The following KCNMA1 variants were observed in gnomAD, a reference collection of about 807,000 sequenced individuals.
KCNMA1 encodes Calcium-activated potassium channel subunit alpha-1.
KCNMA1 carries 29 observed loss-of-function variants against 140.0 expected under a neutral mutation model. The ratio of observed to expected loss-of-function variants is 0.21; its 90% CI spans 0.15 to 0.28. The LOEUF is 0.28. Ranked by LOEUF, KCNMA1 falls within the 10% of genes least tolerant of loss-of-function variation. KCNMA1 has a pLI of 1.00. For synonymous variants in KCNMA1, 612 were observed against 611.9 expected (o/e 1.00, Z 0.00); for missense variants, 880 against 1,602.2 (o/e 0.55, Z 7.70).
intron 22 of KCNMA1, among the ~76,000 whole-genome samples, chr10:76,946,076 A>T (rs2063857137): frequency 6.6e-6 from 1 of 152,234 alleles, no homozygotes; most frequent in South Asian, 2.1e-4. Flanking sequence ...AAAAAATAAC[A>T]ACAAAAGACA....
intron 1 of KCNMA1, among the ~76,000 whole-genome samples, chr10:77,468,593 G>A (rs1337338008): frequency 3.3e-5 from 5 of 152,184 alleles, no homozygotes; most frequent in East Asian, 1.9e-4. Flanking sequence ...ACAAGGCAAT[G>A]AGAGAGTCCT....
chr10:77,067,350 G>T (rs1004848972), intron 14 of KCNMA1, among the ~76,000 whole-genome samples: 7 of 152,148 alleles, frequency 4.6e-5, no homozygotes, highest in Non-Finnish European at 7.3e-5. Context: ...CATTGACTTT[G>T]CTGGTTCTCA....
intron 1 of KCNMA1, among the ~76,000 whole-genome samples, chr10:77,582,286 T>A (rs2076099860): frequency 6.6e-6 from 1 of 152,276 alleles, no homozygotes; most frequent in Non-Finnish European, 1.5e-5. Context: ...TTCATATCTT[T>A]GTTTCTTCCT....
At chr10:77,597,656 C>A (rs573884880) in intron 1 of KCNMA1, among the ~76,000 whole-genome samples, 4 of 152,336 alleles carry the variant, frequency 2.6e-5, no homozygotes, top group African/African-American at 7.2e-5. Flanking sequence ...CCTTCCCCTC[C>A]TTCTGTGACT....
At chr10:77,100,880 G>T (rs1335196284) in intron 9 of KCNMA1, among the ~76,000 whole-genome samples, 1 of 152,122 alleles carries the variant, frequency 6.6e-6, no homozygotes, top group Non-Finnish European at 1.5e-5. Flanking sequence ...AAGAATATTT[G>T]AGAGTGAAAA....
intron 2 of KCNMA1, among the ~76,000 whole-genome samples, chr10:77,346,038 C>G (rs1603279225): frequency 6.6e-6 from 1 of 152,298 alleles, no homozygotes; most frequent in South Asian, 2.1e-4. Flanking sequence ...TTCCCAGGAC[C>G]CTGCATCATG....
intron 1 of KCNMA1, among the ~76,000 whole-genome samples, chr10:77,451,557 G>A (rs1189619489): frequency 1.3e-5 from 2 of 152,204 alleles, no homozygotes; most frequent in Admixed American, 1.3e-4. Context: ...TTCAGAGGAC[G>A]AAAGCTCGCT....
intron 1 of KCNMA1, among the ~76,000 whole-genome samples, chr10:77,490,104 A>G (rs1173924206): frequency 1.3e-5 from 2 of 152,196 alleles, no homozygotes; most frequent in African/African-American, 4.8e-5. Flanking sequence ...CCAATTTGCC[A>G]ATGTCTCATG....
chr10:77,471,675 C>A (rs1040807062), intron 1 of KCNMA1, among the ~76,000 whole-genome samples: 1 of 149,784 alleles, frequency 6.7e-6, no homozygotes, highest in East Asian at 2.0e-4. Context: ...CACACACACA[C>A]CACACACACT....
At chr10:77,269,701 T>C (rs989687441) in intron 2 of KCNMA1, among the ~76,000 whole-genome samples, 1 of 152,184 alleles carries the variant, frequency 6.6e-6, no homozygotes, top group African/African-American at 2.4e-5. Flanking sequence ...AAATGGAACA[T>C]GTGACTATCT....
At chr10:77,460,512 G>A (rs910021530) in intron 1 of KCNMA1, among the ~76,000 whole-genome samples, 9 of 150,936 alleles carry the variant, frequency 6.0e-5, no homozygotes, top group African/African-American at 2.2e-4. Context: ...GCTGGATAAA[G>A]AAAATGTGGT....
At chr10:76,982,209 T>C (rs1392088251) in intron 19 of KCNMA1, among the ~76,000 whole-genome samples, 1 of 151,792 alleles carries the variant, frequency 6.6e-6, no homozygotes, top group Non-Finnish European at 1.5e-5. Flanking sequence ...AATACGAATA[T>C]ACGAACTCAT....
At chr10:77,240,358 A>G (rs2056957117) in intron 3 of KCNMA1, among the ~76,000 whole-genome samples, 1 of 152,220 alleles carries the variant, frequency 6.6e-6, no homozygotes, top group South Asian at 2.1e-4. Context: ...ATGGAAATTT[A>G]AGCAGTGTTT....
intron 2 of KCNMA1, among the ~76,000 whole-genome samples, chr10:77,287,230 T>C (rs561541282): frequency 6.6e-6 from 1 of 152,308 alleles, no homozygotes; most frequent in African/African-American, 2.4e-5. Flanking sequence ...ACTGAGACCC[T>C]TGTCTGAAAA....
intron 3 of KCNMA1, among the ~76,000 whole-genome samples, chr10:77,193,304 G>A (rs2039238172): frequency 6.6e-6 from 1 of 152,158 alleles, no homozygotes; most frequent in Non-Finnish European, 1.5e-5. Flanking sequence ...TAGAATTAGT[G>A]TTCATATTTG....
At chr10:77,269,879 G>A (rs2154279154) in intron 2 of KCNMA1, among the ~76,000 whole-genome samples, 1 of 152,284 alleles carries the variant, frequency 6.6e-6, no homozygotes, top group Non-Finnish European at 1.5e-5. Flanking sequence ...TGAAACCACG[G>A]TGATAGGGAG....
At chr10:77,406,592 T>G (rs1263546554) in intron 1 of KCNMA1, among the ~76,000 whole-genome samples, 2 of 152,086 alleles carry the variant, frequency 1.3e-5, no homozygotes, top group Non-Finnish European at 2.9e-5. Flanking sequence ...AAGCCTACTT[T>G]GGGGACCACA....
At chr10:77,245,629 T>C (rs1308174499) in intron 3 of KCNMA1, among the ~76,000 whole-genome samples, 2 of 152,184 alleles carry the variant, frequency 1.3e-5, no homozygotes, top group South Asian at 2.1e-4. Flanking sequence ...CATAACATAA[T>C]GCAAAACTAT....
At chr10:77,408,056 G>C (rs1603483683) in intron 1 of KCNMA1, among the ~76,000 whole-genome samples, 1 of 152,192 alleles carries the variant, frequency 6.6e-6, no homozygotes, top group South Asian at 2.1e-4. Flanking sequence ...AGCTGGGGCA[G>C]GGATTCCCGC....
Sources: gnomAD v4.1 joint callset for allele counts (sites outside exome capture counted in the v4.1 genomes callset) on GRCh38, gnomAD v4.1.1 for gene constraint, MANE v1.5 for transcripts, NCBI Gene and HGNC (gene_info 2026-07-23, HGNC 2026-07-21) for gene names.